STK38: variants seen among roughly 807,000 people sequenced by gnomAD.
The protein encoded by STK38 is serine/threonine kinase 38.
Under a neutral mutation model 59.0 loss-of-function variants are expected in STK38, and 26 were observed. The observed-to-expected ratio is 0.44, with a 90% CI of 0.32 to 0.61. The LOEUF (loss-of-function observed/expected upper bound fraction) is 0.61. STK38 is among the 20% of genes least tolerant of loss of function. The probability of loss-of-function intolerance (pLI) is 0.04; values close to 1 mark genes in which losing one functional copy is unlikely to be tolerated. For missense variants in STK38, 433 were observed against 566.0 expected (o/e 0.76, Z 2.38); for synonymous variants, 175 against 176.6 (o/e 0.99, Z 0.07).
chr6:36,502,663 T>C lies in STK38; in HGVS notation c.835-2673A>G, dbSNP rs138391180. Among the ~76,000 whole-genome samples, 943 of 152,320 alleles carry C rather than the reference T, an allele frequency of 6.2e-3. 12 individuals are homozygous for C. The highest frequency in any genetic ancestry group is 0.022 in the African/African-American group (905 of 41,562). On this transcript the variant is annotated intron_variant, in intron 9 of 13. Coordinates refer to ENST00000229812, the MANE Select transcript of STK38 (RefSeq NM_007271.4). ...TATAATGCATAATCATGAAAATGAATAGCCACGAGTTCAACTGAAGAACCA... is the reference window on the plus strand; with the variant it reads ...TATAATGCATAATCATGAAAATGAACAGCCACGAGTTCAACTGAAGAACCA...
chr6:36,523,521 A>G (rs1777434267), intron 4 of STK38, among the ~76,000 whole-genome samples: 1 of 151,550 alleles, frequency 6.6e-6, no homozygotes, highest in African/African-American at 2.4e-5. Context: ...TGGCCTCCCA[A>G]AGTGCTGAGA....
chr6:36,498,559 T>A (rs1385384233), intron 10 of STK38, 73 bp from the exon 11 acceptor site: 10 of 1,466,304 alleles, frequency 6.8e-6, no homozygotes, highest in African/African-American at 1.4e-5. Flanking sequence ...CTCTCCTTAA[T>A]AAAATTCTAT....
chr6:36,500,179 C>A (rs9470295), intron 9 of STK38, among the ~76,000 whole-genome samples, 189 bp from the exon 10 acceptor site: 41,156 of 151,818 alleles, frequency 0.27, 6,371 homozygotes, highest in African/African-American at 0.42. Context: ...AAGCTTTGTT[C>A]ATGAGGCAGG....
chr6:36,525,656 AAAC>A lies in STK38; in HGVS notation c.132-17_132-15del. 6.2e-7 allele frequency: 1 copy of A among 1,609,236 alleles called. No homozygotes were observed. The highest frequency in any genetic ancestry group is 8.5e-7 in the Non-Finnish European group (1 of 1,175,914). ...AACTTCTTTTGTCTAAAACAAACAA[AAAC>A]AAAAGACATGAAATCACATCTGAAT... On this transcript the variant is annotated splice_polypyrimidine_tract_variant and intron_variant, in intron 2 of 13. Transcript: ENST00000229812.
At chr6:36,502,556 GA>G (rs1776864872) in intron 9 of STK38, among the ~76,000 whole-genome samples, 1 of 151,824 alleles carries the variant, frequency 6.6e-6, no homozygotes, top group Non-Finnish European at 1.5e-5. Context: ...TTTTTATTGT[GA>G]TTTTTTTAAT....
chr6:36,545,710 C>A (rs2127495154), intron 1 of STK38, among the ~76,000 whole-genome samples: 1 of 152,304 alleles, frequency 6.6e-6, no homozygotes, highest in South Asian at 2.1e-4. Context: ...ACAATTCAAG[C>A]CTTCCTGCCC....
intron 1 of STK38, among the ~76,000 whole-genome samples, chr6:36,546,571 T>G (rs1281075924): frequency 6.6e-6 from 1 of 152,238 alleles, no homozygotes; most frequent in Non-Finnish European, 1.5e-5. Context: ...ATCTGGTCTC[T>G]CTGCCGGCCG....
chr6:36,529,241 T>C (rs1205258057), intron 2 of STK38, among the ~76,000 whole-genome samples: 1 of 152,120 alleles, frequency 6.6e-6, no homozygotes, highest in African/African-American at 2.4e-5. Flanking sequence ...AGGATTAAAA[T>C]GACAGATGTT....
At chr6:36,533,837 G>C (rs1561990709) in intron 2 of STK38, among the ~76,000 whole-genome samples, 1 of 152,212 alleles carries the variant, frequency 6.6e-6, no homozygotes, top group South Asian at 2.1e-4. Flanking sequence ...GGTTTCACCT[G>C]CCTAAAGATA....
chr6:36,520,907 C>G (rs891687557), intron 5 of STK38, among the ~76,000 whole-genome samples: 3 of 152,260 alleles, frequency 2.0e-5, no homozygotes, highest in Non-Finnish European at 2.9e-5. Flanking sequence ...CTCCATCCCC[C>G]CTCTTTGGCC....
rs760552724 is a variant in STK38, at chr6:36,517,807, C to G, written c.424G>C (p.Val142Leu). The G allele has an allele frequency of 6.2e-7, 1 of 1,614,146 alleles. No homozygotes were observed. The change falls in exon 6 of 14, where the codon GTG becomes CTG. Residue 142 changes from valine (V) to leucine (L), a missense_variant. Val to Leu is a conservative substitution (Grantham distance 32). Transcript: ENST00000229812. Reference protein sequence around the residue: ...GHIRAERDILVEADSLWVVKM... With the variant: ...GHIRAERDILLEADSLWVVKM... The stretch of plus-strand genomic sequence containing the variant: ...ACAACCCACAAACTGTCTGCCTCCA[C>G]TAGAATGTCACGCTCCGCACGAATG...
In STK38 at chr6:36,494,360, G is replaced by A. The variant is rs1318009520; in HGVS notation, c.*1424C>T. ...GGCAGAAAGCAGGCTCCCAGCTGCA[G>A]CTCGGCCACAATACTTTGCAACAGG... On this transcript the variant is annotated 3_prime_UTR_variant, in exon 14 of 14. Coordinates refer to ENST00000229812, the MANE Select transcript of STK38 (RefSeq NM_007271.4). The A allele has an allele frequency of 6.5e-6, 1 of 152,688 alleles. No homozygotes were observed. Among genetic ancestry groups the A allele is most frequent in the Non-Finnish European group, 1.5e-5 (1 of 68,050 alleles). 9.5% of individuals were successfully genotyped at this position (152,688 alleles called of 1,614,324 possible).
intron 8 of STK38, 39 bp from the exon 9 acceptor site, chr6:36,506,683 C>T (rs775684960): frequency 1.3e-6 from 2 of 1,591,724 alleles, no homozygotes; most frequent in Non-Finnish European, 8.6e-7. Flanking sequence ...AAAGTTCAGA[C>T]CAAAATGTTT....
chr6:36,501,833 G>A (rs62402198), intron 9 of STK38, among the ~76,000 whole-genome samples: 3,676 of 152,228 alleles, frequency 0.024, 49 homozygotes, highest in Non-Finnish European at 0.027. Context: ...GTTTTTATCC[G>A]TTCTTCTGTA....
intron 5 of STK38, among the ~76,000 whole-genome samples, chr6:36,519,396 T>C (rs546580134): frequency 7.4e-4 from 113 of 152,262 alleles, no homozygotes; most frequent in Middle Eastern, 6.8e-3. Flanking sequence ...ATTAATACAG[T>C]AGAAGGCAGC....
intron 2 of STK38, among the ~76,000 whole-genome samples, chr6:36,528,045 C>T (rs1777575675): frequency 6.6e-6 from 1 of 151,444 alleles, no homozygotes; most frequent in Non-Finnish European, 1.5e-5. Flanking sequence ...GGAGGCGGAG[C>T]TTGCAGTGAG....
intron 12 of STK38, 102 bp downstream of exon 12, chr6:36,497,678 T>A: frequency 1.1e-6 from 1 of 885,452 alleles, no homozygotes; most frequent in Non-Finnish European, 1.8e-6. Flanking sequence ...TCTAAGAAGC[T>A]CTCTTCCCTT....
chr6:36,536,473 C>T (rs1777793074), intron 2 of STK38, among the ~76,000 whole-genome samples: 2 of 152,002 alleles, frequency 1.3e-5, no homozygotes, highest in African/African-American at 4.8e-5. Context: ...TCAAGACCAG[C>T]CTGGTCAACA....
intron 6 of STK38, 69 bp from the exon 7 acceptor site, chr6:36,515,561 A>G: frequency 6.4e-7 from 1 of 1,568,890 alleles, no homozygotes; most frequent in Non-Finnish European, 8.6e-7. Flanking sequence ...CACACAACAT[A>G]CGAGTGAGTA....
Sources: allele counts gnomAD v4.1 joint callset (sites outside exome capture counted in the v4.1 genomes callset), GRCh38; gene constraint gnomAD v4.1.1; transcripts MANE v1.5; gene names NCBI Gene and HGNC (gene_info 2026-07-23, HGNC 2026-07-21).